Variants in WDR70 observed in about 807,000 individuals in gnomAD.
WDR70 encodes WD repeat-containing protein 70.
WDR70 carries 53 observed loss-of-function variants against 88.6 expected under a neutral mutation model. The ratio of observed to expected loss-of-function variants is 0.60; its 90% CI spans 0.48 to 0.75. WDR70 has a LOEUF of 0.75. Among genes scored for constraint, WDR70 ranks in the 30% least tolerant of loss-of-function variants. The probability of loss-of-function intolerance (pLI) is 0.00; values close to 1 mark genes in which losing one functional copy is unlikely to be tolerated. For synonymous variants in WDR70, 280 were observed against 270.0 expected, an observed-to-expected ratio of 1.04 and a Z score of -0.36; for missense variants, 610 against 823.2, an observed-to-expected ratio of 0.74 and a Z score of 3.17.
intron 9 of WDR70, among the ~76,000 whole-genome samples, chr5:37,547,878 A>G (rs1417943041): frequency 1.3e-5 from 2 of 152,202 alleles, no homozygotes; most frequent in Non-Finnish European, 2.9e-5. Flanking sequence ...GATCTCACAA[A>G]TAAGTGAGAA....
intron 10 of WDR70, among the ~76,000 whole-genome samples, chr5:37,671,052 G>A (rs1581480976): frequency 1.3e-5 from 2 of 152,136 alleles, no homozygotes; most frequent in South Asian, 4.1e-4. Context: ...TTGGCATATT[G>A]GAGTACTTTA....
At position 37,608,614 on chromosome 5, in the gene WDR70, G is replaced by A. The variant is rs1016070002; in HGVS notation, c.1092+3376G>A. 3.3e-5 allele frequency among the ~76,000 whole-genome samples: 5 copies of A among 151,604 alleles called. No individual in the cohort carries two copies. The East Asian group carries it at 7.7e-4, about 23-fold the overall frequency. On this transcript the variant is annotated intron_variant, in intron 10 of 17. Transcript: ENST00000265107. The stretch of plus-strand genomic sequence containing the variant: ...TCTGTCACTCAGGCTAGAGTGCAGT[G>A]GCATGATTACAACTCACTGTGTGGC...
chr5:37,511,632 ATAAC>A (rs1268823760), intron 8 of WDR70, among the ~76,000 whole-genome samples: 2 of 152,212 alleles, frequency 1.3e-5, no homozygotes, highest in Non-Finnish European at 1.5e-5. Context: ...GAATTAGAGA[ATAAC>A]TAACACATAT....
chr5:37,680,264 ATTTG>A (rs1746386896), intron 10 of WDR70, among the ~76,000 whole-genome samples: 1 of 151,456 alleles, frequency 6.6e-6, no homozygotes, highest in African/African-American at 2.4e-5. Flanking sequence ...TTTCTTGAAA[ATTTG>A]TTTAAGTTTC....
rs113161690 is a variant in WDR70 at position 37,699,905 on chromosome 5, C to G, written c.1193-1153C>G. On this transcript the variant is annotated intron_variant, in intron 11 of 17. Coordinates refer to ENST00000265107, the MANE Select transcript of WDR70 (RefSeq NM_018034.4). The stretch of plus-strand genomic sequence containing the variant: ...GAGGTTACAGTGAGCTGAGATCATG[C>G]CACTGCACTCCAGCCTGAGTGACAG... Among the ~76,000 whole-genome samples, 1,258 of 151,796 alleles carry G rather than the reference C, an allele frequency of 8.3e-3. 18 individuals carry two copies. Among genetic ancestry groups the G allele is most frequent in the African/African-American group, 0.029 (1,188 of 41,332 alleles).
intron 7 of WDR70, among the ~76,000 whole-genome samples, chr5:37,452,302 G>A (rs1325006698): frequency 4.1e-5 from 6 of 147,668 alleles, no homozygotes; most frequent in Non-Finnish European, 5.9e-5. Context: ...TCTGTCTCAT[G>A]TTGCCCAGGC....
chr5:37,561,830 T>G (rs985799504), intron 9 of WDR70, among the ~76,000 whole-genome samples: 5 of 152,232 alleles, frequency 3.3e-5, no homozygotes, highest in Non-Finnish European at 5.9e-5. Context: ...TCTGAAATTG[T>G]AAGCAGTTTT....
intron 17 of WDR70, among the ~76,000 whole-genome samples, chr5:37,733,682 A>G (rs1748219594): frequency 8.6e-5 from 1 of 11,636 alleles, no homozygotes; most frequent in Non-Finnish European, 0.014. Flanking sequence ...GCAGGTCTCC[A>G]TGACTTATTA....
chr5:37,389,480 C>T (rs939704061), intron 3 of WDR70, among the ~76,000 whole-genome samples: 7 of 151,800 alleles, frequency 4.6e-5, no homozygotes, highest in South Asian at 2.1e-4. Context: ...GTGCCATCTC[C>T]GCTCAGTGCA....
intron 7 of WDR70, among the ~76,000 whole-genome samples, chr5:37,461,635 C>G (rs1367833540): frequency 6.6e-6 from 1 of 152,038 alleles, no homozygotes; most frequent in Non-Finnish European, 1.5e-5. Context: ...AGGTGCCCAC[C>G]ACCACACCCG....
intron 9 of WDR70, among the ~76,000 whole-genome samples, chr5:37,521,734 A>G (rs1039925553): frequency 1.3e-4 from 19 of 150,508 alleles, no homozygotes; most frequent in Non-Finnish European, 2.5e-4. Context: ...ACACACACAC[A>G]CACACACCCA....
intron 10 of WDR70, among the ~76,000 whole-genome samples, chr5:37,682,744 T>C (rs934489079): frequency 6.6e-6 from 1 of 152,242 alleles, no homozygotes; most frequent in African/African-American, 2.4e-5. Flanking sequence ...TGAGTGGTTT[T>C]CTTGGTCTTG....
intron 5 of WDR70, among the ~76,000 whole-genome samples, chr5:37,397,024 C>T (rs1350063188): frequency 6.6e-6 from 1 of 152,080 alleles, no homozygotes; most frequent in Non-Finnish European, 1.5e-5. Context: ...CACCTGTGGT[C>T]CCAGCTACTC....
chr5:37,502,055 C>T (rs1219392172), intron 8 of WDR70, among the ~76,000 whole-genome samples: 2 of 152,088 alleles, frequency 1.3e-5, no homozygotes, highest in African/African-American at 2.4e-5. Flanking sequence ...TTGGTTCTTG[C>T]AATTGATGAG....
At chr5:37,685,741 AC>A (rs1746571644) in intron 10 of WDR70, among the ~76,000 whole-genome samples, 1 of 152,076 alleles carries the variant, frequency 6.6e-6, no homozygotes, top group African/African-American at 2.4e-5. Context: ...CTCCCTGCCA[AC>A]TAAGTGTCCA....
At chr5:37,645,604 T>C (rs1480714279) in intron 10 of WDR70, among the ~76,000 whole-genome samples, 3 of 152,044 alleles carry the variant, frequency 2.0e-5, no homozygotes, top group African/African-American at 7.2e-5. Flanking sequence ...GTGTTGGGTT[T>C]CTCTCTCTTT....
At chr5:37,479,650 C>A in intron 7 of WDR70, 184 bp from the exon 8 acceptor site, 1 of 595,448 alleles carries the variant, frequency 1.7e-6, no homozygotes, top group Non-Finnish European at 2.8e-6. Flanking sequence ...GGATTATAGG[C>A]ATGAGCTACC....
chr5:37,593,681 G>A (rs1219514166), intron 9 of WDR70, among the ~76,000 whole-genome samples: 1 of 152,110 alleles, frequency 6.6e-6, no homozygotes, highest in Non-Finnish European at 1.5e-5. Context: ...GGGATCACTG[G>A]GTCAAATGGT....
intron 5 of WDR70, among the ~76,000 whole-genome samples, chr5:37,404,982 T>A (rs56103322): frequency 0.014 from 2,063 of 152,294 alleles, 44 homozygotes; most frequent in African/African-American, 0.047. Context: ...GGGTCCCTCC[T>A]ATCAGTTTTT....
Sources: allele counts gnomAD v4.1 joint callset (sites outside exome capture counted in the v4.1 genomes callset), GRCh38; gene constraint gnomAD v4.1.1; transcripts MANE v1.5; gene names NCBI Gene and HGNC (gene_info 2026-07-23, HGNC 2026-07-21).